ITGA9: variants seen among roughly 807,000 people sequenced by gnomAD.
ITGA9 encodes integrin alpha-9.
A neutral mutation model predicts 127.8 loss-of-function variants in ITGA9; 56 were observed. The observed-to-expected ratio is 0.44, with a 90% CI of 0.35 to 0.55. ITGA9 has a LOEUF of 0.55. Ranked by LOEUF, ITGA9 falls within the 20% of genes least tolerant of loss-of-function variation. ITGA9 has a pLI of 0.00. For synonymous variants in ITGA9, 508 were observed against 514.5 expected (o/e 0.99, Z 0.17); for missense variants, 1,196 against 1,347.1 (o/e 0.89, Z 1.76).
At chr3:37,716,992 C>T (rs1268977901) in intron 18 of ITGA9, among the ~76,000 whole-genome samples, 1 of 152,170 alleles carries the variant, frequency 6.6e-6, no homozygotes, top group Non-Finnish European at 1.5e-5. Context: ...TTCTTGGCAT[C>T]GGGCTTTTCT....
chr3:37,576,700 A>G (rs1699657320), intron 15 of ITGA9, among the ~76,000 whole-genome samples: 1 of 152,178 alleles, frequency 6.6e-6, no homozygotes, highest in African/African-American at 2.4e-5. Flanking sequence ...TCCGCCTCCC[A>G]GGCTCAAGCC....
At chr3:37,790,476 A>G in intron 26 of ITGA9, 1 of 333,144 alleles carries the variant, frequency 3.0e-6, no homozygotes, top group Non-Finnish European at 6.0e-6. Flanking sequence ...GGTTTACGCC[A>G]CTTGTGGGAA....
intron 18 of ITGA9, among the ~76,000 whole-genome samples, chr3:37,708,607 G>T (rs139296540): frequency 0.019 from 5 of 262 alleles, no homozygotes; most frequent in Non-Finnish European, 0.046. Context: ...CTAGTTCAGC[G>T]CTATTAGCAT....
intron 19 of ITGA9, among the ~76,000 whole-genome samples, chr3:37,735,565 A>G (rs965535735): frequency 2.6e-5 from 4 of 152,236 alleles, no homozygotes; most frequent in African/African-American, 9.6e-5. Flanking sequence ...ATTTGATGAA[A>G]TTTAAGAACC....
At position 37,478,613 on chromosome 3, in the gene ITGA9, G is replaced by A. The variant is rs536515578; in HGVS notation, c.421-2871G>A. Among the ~76,000 whole-genome samples, 4 of 152,232 alleles carry A rather than the reference G, an allele frequency of 2.6e-5. No individual in the cohort carries two copies. The South Asian group carries it at 6.2e-4, about 24-fold the overall frequency. ...CTTCTCCTGTTCTTCCCTCACAGCCGAACTCATTTGGAGAGATTGATGGAG... is the reference window on the plus strand; with the variant it reads ...CTTCTCCTGTTCTTCCCTCACAGCCAAACTCATTTGGAGAGATTGATGGAG... On this transcript the variant is annotated intron_variant, in intron 3 of 27. Transcript: ENST00000264741.
intron 18 of ITGA9, among the ~76,000 whole-genome samples, chr3:37,701,579 C>T (rs569430882): frequency 5.7e-4 from 87 of 152,290 alleles, no homozygotes; most frequent in Admixed American, 2.2e-3. Flanking sequence ...GAGGGCTGCT[C>T]CTGAAGGCAT....
chr3:37,609,543 A>G (rs939728003), intron 15 of ITGA9, among the ~76,000 whole-genome samples: 3 of 152,196 alleles, frequency 2.0e-5, no homozygotes, highest in Admixed American at 1.3e-4. Context: ...GTCCCCACCC[A>G]TGACACTGTT....
Position 37,819,028 on chromosome 3 carries a change from C to T in ITGA9, c.*39C>T. The T allele has an allele frequency of 7.2e-7, 1 of 1,389,642 alleles. No individual in the cohort carries two copies. Among genetic ancestry groups the T allele is most frequent in the South Asian group, 1.2e-5 (1 of 86,460 alleles). 86.1% of individuals were successfully genotyped at this position (1,389,642 alleles called of 1,614,324 possible). On this transcript the variant is annotated 3_prime_UTR_variant, in exon 28 of 28. Coordinates refer to ENST00000264741, the MANE Select transcript of ITGA9 (RefSeq NM_002207.3). The stretch of plus-strand genomic sequence containing the variant: ...TCACATGACCTGATCACTAGCCTGT[C>T]ATCCTTGGTCTTTGTATCTTCCATA...
In ITGA9 at chr3:37,649,847, C is replaced by T. The variant is rs1347314903; in HGVS notation, c.1840-3867C>T. On this transcript the variant is annotated intron_variant, in intron 16 of 27. Coordinates refer to ENST00000264741, the MANE Select transcript of ITGA9 (RefSeq NM_002207.3). ...AAACAAATCTTAGCAAATTTCAGAT[C>T]GAAATCATACCAAGTATCTTTTCCA... Among the ~76,000 whole-genome samples, 5 of 152,254 alleles carry T rather than the reference C, an allele frequency of 3.3e-5. No homozygotes were observed. The East Asian group carries it at 5.8e-4, about 18-fold the overall frequency.
chr3:37,587,105 G>A (rs2125612957), intron 15 of ITGA9, among the ~76,000 whole-genome samples: 1 of 152,316 alleles, frequency 6.6e-6, no homozygotes, highest in East Asian at 1.9e-4. Context: ...ATCTGGGAAA[G>A]TAGCATATCT....
chr3:37,768,871 C>T (rs919494247), intron 23 of ITGA9, among the ~76,000 whole-genome samples: 33 of 151,664 alleles, frequency 2.2e-4, no homozygotes, highest in African/African-American at 8.0e-4. Flanking sequence ...TCAGTTTGTT[C>T]CTCTGCTAAT....
chr3:37,622,944 T>G (rs1700141442), intron 15 of ITGA9, among the ~76,000 whole-genome samples: 1 of 152,192 alleles, frequency 6.6e-6, no homozygotes, highest in Non-Finnish European at 1.5e-5. Flanking sequence ...TATTATCTGA[T>G]TACAAATATG....
At chr3:37,487,573 T>G (rs914161208) in intron 4 of ITGA9, among the ~76,000 whole-genome samples, 1 of 152,240 alleles carries the variant, frequency 6.6e-6, no homozygotes, top group Non-Finnish European at 1.5e-5. Flanking sequence ...ACCTACCTGG[T>G]GCCAGGGGTT....
intron 17 of ITGA9, among the ~76,000 whole-genome samples, chr3:37,655,485 A>G (rs1345293587): frequency 1.3e-5 from 2 of 152,214 alleles, no homozygotes; most frequent in African/African-American, 4.8e-5. Flanking sequence ...TTGGCCGCAT[A>G]AATGTCTTCT....
intron 17 of ITGA9, among the ~76,000 whole-genome samples, chr3:37,679,145 A>G (rs1233412032): frequency 6.6e-6 from 1 of 152,084 alleles, no homozygotes; most frequent in African/African-American, 2.4e-5. Context: ...ATTTTCATAT[A>G]AAAGCACAGC....
intron 17 of ITGA9, among the ~76,000 whole-genome samples, chr3:37,666,987 C>A (rs1171682047): frequency 6.6e-6 from 1 of 152,128 alleles, no homozygotes; most frequent in Non-Finnish European, 1.5e-5. Flanking sequence ...CTCCCTGGCA[C>A]TTGCATCCTT....
chr3:37,775,601 G>A (rs1347432441), intron 23 of ITGA9, among the ~76,000 whole-genome samples: 4 of 150,608 alleles, frequency 2.7e-5, no homozygotes, highest in South Asian at 2.1e-4. Flanking sequence ...AGCCAAGATC[G>A]CGCCACTGCA....
chr3:37,481,492 T>C lies in ITGA9; in HGVS notation c.429T>C (p.Ala143=), dbSNP rs1342112403. The C allele has an allele frequency of 6.2e-7, 1 of 1,614,080 alleles. No homozygotes were observed. Among genetic ancestry groups the C allele is most frequent in the East Asian group, 2.2e-5 (1 of 44,888 alleles). Residue 143 remains alanine, a synonymous_variant, in exon 4 of 28, where the codon GCT becomes GCC. Transcript: ENST00000264741. ...PKADGRVLAC[A]HRWKNIYYEA... ...GCTCTCTATCCCTTTAGGCCTGTGC[T>C]CATCGCTGGAAGAACATCTACTATG...
chr3:37,646,133 G>T lies in ITGA9; in HGVS notation c.1840-7581G>T, dbSNP rs151001031. Among the ~76,000 whole-genome samples, 57 of 152,252 alleles carry T rather than the reference G, an allele frequency of 3.7e-4. No individual in the cohort carries two copies. The East Asian group carries it at 8.9e-3, about 24-fold the overall frequency. ...AACATAGCCAAATATTCTAAAACAG[G>T]ATTCAACAAACAGCCCATAGGCCAA... On this transcript the variant is annotated intron_variant, in intron 16 of 27. Transcript: ENST00000264741.
Sources: allele counts gnomAD v4.1 joint callset (sites outside exome capture counted in the v4.1 genomes callset), GRCh38; gene constraint gnomAD v4.1.1; transcripts MANE v1.5; gene names NCBI Gene and HGNC (gene_info 2026-07-23, HGNC 2026-07-21).